Variants in ADGRL2 observed in about 807,000 individuals in gnomAD.
The protein encoded by ADGRL2 is calcium-independent alpha-latrotoxin receptor 2.
Under a neutral mutation model 157.4 loss-of-function variants are expected in ADGRL2, and 44 were observed. The observed-to-expected ratio is 0.28, with a 90% CI of 0.22 to 0.36. The LOEUF is 0.36. ADGRL2 is among the 10% of genes least tolerant of loss of function. The probability of loss-of-function intolerance (pLI) is 1.00; values close to 1 mark genes in which losing one functional copy is unlikely to be tolerated. For synonymous variants in ADGRL2, 585 were observed against 624.7 expected, an observed-to-expected ratio of 0.94 and a Z score of 0.95; for missense variants, 1,510 against 1,768.9, an observed-to-expected ratio of 0.85 and a Z score of 2.63.
At chr1:81,919,010 C>T (rs1022541700) in intron 3 of ADGRL2, among the ~76,000 whole-genome samples, 5 of 152,074 alleles carry the variant, frequency 3.3e-5, no homozygotes, top group Admixed American at 6.6e-5. Context: ...CTTGAATTCA[C>T]GCCTACCTTT....
intron 1 of ADGRL2, among the ~76,000 whole-genome samples, chr1:81,708,193 G>A (rs1024281817): frequency 6.6e-6 from 1 of 152,090 alleles, no homozygotes; most frequent in Non-Finnish European, 1.5e-5. Context: ...AACTTGCCTT[G>A]CACGGTTGTT....
chr1:81,858,819 A>G (rs2093295151), intron 2 of ADGRL2, among the ~76,000 whole-genome samples: 4 of 152,198 alleles, frequency 2.6e-5, no homozygotes, highest in Admixed American at 2.0e-4. Flanking sequence ...CGGATGTAAT[A>G]TAAAGTGCGC....
chr1:81,611,455 A>T (rs2081539003), intron 3 of ADGRL2, among the ~76,000 whole-genome samples: 1 of 152,230 alleles, frequency 6.6e-6, no homozygotes, highest in Non-Finnish European at 1.5e-5. Context: ...TTTTATTACT[A>T]TAAAAAAACT....
rs547692478 is a variant in ADGRL2, at chr1:81,648,528, G to A, written c.-143+67548G>A. On this transcript the variant is annotated intron_variant, in intron 3 of 24. Coordinates refer to the ADGRL2 transcript ENST00000370721. ...CATATCTTTCTTCTCCCAGAACATCGGGCACAAGATCATGCCCAGATGCCA... is the reference window on the plus strand; with the variant it reads ...CATATCTTTCTTCTCCCAGAACATCAGGCACAAGATCATGCCCAGATGCCA... Among the ~76,000 whole-genome samples, 9 of 152,168 alleles carry A rather than the reference G, an allele frequency of 5.9e-5. No individual in the cohort carries two copies. In the South Asian group the frequency reaches 8.3e-4, roughly 14 times the overall value.
In ADGRL2 at chr1:81,344,308, ATGT is replaced by A. The variant is rs538665777; in HGVS notation, c.-302+37801_-302+37803del. Among the ~76,000 whole-genome samples, 666 of 152,308 alleles carry A rather than the reference ATGT, an allele frequency of 4.4e-3. 3 individuals are homozygous for A. Among genetic ancestry groups the A allele is most frequent in the Non-Finnish European group, 5.7e-3 (389 of 68,028 alleles). Reference sequence around the variant, plus strand: ...GAGTATTTATAAACAGAAATGGCAAATGTTACAAATCAGGTTTAATTTATTGTT... The same window carrying A: ...GAGTATTTATAAACAGAAATGGCAAATACAAATCAGGTTTAATTTATTGTT... On this transcript the variant is annotated intron_variant, in intron 1 of 24. Coordinates refer to the ADGRL2 transcript ENST00000370721.
chr1:81,972,848 G>C (rs1021626455), intron 17 of ADGRL2, among the ~76,000 whole-genome samples: 4 of 151,348 alleles, frequency 2.6e-5, no homozygotes, highest in African/African-American at 9.7e-5. Context: ...GGAGCACAAG[G>C]CTGCGGTGAG....
Position 81,943,040 on chromosome 1 carries a change from G to C in ADGRL2, c.481G>C (p.Gly161Arg). 1 of 1,613,278 alleles carries C rather than the reference G, an allele frequency of 6.2e-7. No individual in the cohort carries two copies. The highest frequency in any genetic ancestry group is 8.5e-7 in the Non-Finnish European group (1 of 1,179,466). Residue 161 changes from glycine to arginine, a missense_variant, in exon 6 of 24, where the codon GGT becomes CGT. By Grantham distance (125) the Gly-to-Arg change is moderately radical. Around this residue, in one of 4 missense-constraint regions of ADGRL2, gnomAD observed 361 missense variants for 498.4 expected, o/e 0.72. Coordinates refer to ENST00000686636, the MANE Select transcript of ADGRL2 (RefSeq NM_001366006.2). This position sits in a 1 kb window ranked among gnomAD's most constrained non-coding sequence, Gnocchi z 5.6. Reference sequence around the variant, plus strand: ...TATATATGAAGCTGAACAAAAGGCGGGTGCTTGGTGCAAGGACCCTCTTCA... The same window carrying C: ...TATATATGAAGCTGAACAAAAGGCGCGTGCTTGGTGCAAGGACCCTCTTCA... ...PCIYEAEQKA[G>R]AWCKDPLQAA...
chr1:81,668,777 C>G (rs542674160), intron 3 of ADGRL2, among the ~76,000 whole-genome samples: 1 of 151,638 alleles, frequency 6.6e-6, no homozygotes, highest in East Asian at 2.0e-4. Flanking sequence ...ACCATGTTGG[C>G]CAGGCTGTTC....
At chr1:81,571,349 C>CATAT (rs111883003) in intron 2 of ADGRL2, among the ~76,000 whole-genome samples, 1 of 143,390 alleles carries the variant, frequency 7.0e-6, no homozygotes, top group African/African-American at 2.6e-5. Context: ...TATATATATA[C>CATAT]ATATATATAT....
At chr1:81,849,964 G>A (rs1214006796) in intron 2 of ADGRL2, among the ~76,000 whole-genome samples, 1 of 151,844 alleles carries the variant, frequency 6.6e-6, no homozygotes, top group African/African-American at 2.4e-5. Flanking sequence ...TTATGGATTT[G>A]AAATGCTATA....
chr1:81,361,523 G>A lies in ADGRL2; in HGVS notation c.-302+55014G>A, dbSNP rs143084732. Among the ~76,000 whole-genome samples the A allele has an allele frequency of 5.9e-5, 9 of 151,898 alleles. No homozygotes were observed. The East Asian group carries it at 1.2e-3, about 20-fold the overall frequency. On this transcript the variant is annotated intron_variant, in intron 1 of 24. Coordinates refer to the ADGRL2 transcript ENST00000370721. ...CCTTAAGTAAGTGCTCCTTAAGGAC[G>A]GGAACACTGTGCTATAAATCCTGGT...
chr1:81,431,196 T>G (rs1192188413), intron 1 of ADGRL2, among the ~76,000 whole-genome samples: 2 of 152,200 alleles, frequency 1.3e-5, no homozygotes, highest in Admixed American at 1.3e-4. Flanking sequence ...GCTTTGTGTT[T>G]GTGTTTTGGA....
intron 2 of ADGRL2, among the ~76,000 whole-genome samples, chr1:81,513,223 G>C (rs2079111734): frequency 6.6e-6 from 1 of 152,106 alleles, no homozygotes. Context: ...TGAGGACAAA[G>C]CTAGAGGATT....
rs77578353 is a variant in ADGRL2, at chr1:81,316,890, C to T, written c.-302+10381C>T. Among the ~76,000 whole-genome samples, 419 of 152,290 alleles carry T rather than the reference C, an allele frequency of 2.8e-3. 5 individuals are homozygous for T. In the South Asian group the frequency reaches 0.052, roughly 19 times the overall value. On this transcript the variant is annotated intron_variant, in intron 1 of 24. Transcript: ENST00000370721. ...CATTAAAAAGCATATATGACTATCT[C>T]TCATCCACCCCGATTTAGGGCATCT...
chr1:81,857,437 T>C (rs894291874), intron 2 of ADGRL2, among the ~76,000 whole-genome samples: 15 of 152,208 alleles, frequency 9.9e-5, no homozygotes, highest in Non-Finnish European at 1.8e-4. Context: ...AGACAGCCAA[T>C]TGAGAAAGTG....
At chr1:81,347,408 A>T (rs1662560543) in intron 1 of ADGRL2, among the ~76,000 whole-genome samples, 1 of 152,116 alleles carries the variant, frequency 6.6e-6, no homozygotes, top group Admixed American at 6.6e-5. Context: ...CAAAAAAAAA[A>T]AATTTCTGGT....
chr1:81,878,464 T>A (rs2151158019), intron 2 of ADGRL2, among the ~76,000 whole-genome samples: 1 of 152,276 alleles, frequency 6.6e-6, no homozygotes, highest in East Asian at 1.9e-4. Context: ...AAAAAGGCAT[T>A]TTATGTGGCA....
At chr1:81,851,086 C>G (rs1250019511) in intron 2 of ADGRL2, among the ~76,000 whole-genome samples, 4 of 151,836 alleles carry the variant, frequency 2.6e-5, no homozygotes, top group Non-Finnish European at 5.9e-5. Flanking sequence ...AAGGAGTGTC[C>G]ATGCATGCAT....
At chr1:81,476,256 A>G (rs971608093) in intron 2 of ADGRL2, among the ~76,000 whole-genome samples, 1 of 152,206 alleles carries the variant, frequency 6.6e-6, no homozygotes, top group African/African-American at 2.4e-5. Context: ...TGATTAGATC[A>G]CATCCTTTAG....
Sources: allele counts gnomAD v4.1 joint callset (sites outside exome capture counted in the v4.1 genomes callset), GRCh38; gene constraint gnomAD v4.1.1; regional missense constraint gnomAD v4.1.1; non-coding constraint Gnocchi (gnomAD v3.1); transcripts MANE v1.5; gene names NCBI Gene and HGNC (gene_info 2026-07-23, HGNC 2026-07-21).